LARGE1: variants seen among roughly 807,000 people sequenced by gnomAD.
LARGE1 encodes the protein xylosyl- and glucuronyltransferase LARGE1.
A neutral mutation model predicts 87.6 loss-of-function variants in LARGE1; 43 were observed. The observed-to-expected ratio is 0.49, with a 90% confidence interval of 0.38 to 0.63. The LOEUF is 0.63. Among genes scored for constraint, LARGE1 ranks in the 30% least tolerant of loss-of-function variants. The pLI, the probability that LARGE1 is intolerant of heterozygous loss-of-function variation, is 0.00. For missense variants in LARGE1, 802 were observed against 1,000.2 expected (o/e 0.80, Z 2.67); for synonymous variants, 434 against 394.6 (o/e 1.10, Z -1.18).
upstream of LARGE1, among the ~76,000 whole-genome samples, chr22:33,921,590 C>G (rs1024317490): frequency 2.0e-5 from 3 of 152,182 alleles, no homozygotes; most frequent in African/African-American, 7.2e-5. This position sits in a 1 kb window ranked among gnomAD's most constrained non-coding sequence, Gnocchi z 4.1. Flanking sequence ...CGGCATCTTT[C>G]TGGGATCGGT....
chr22:33,655,120 A>C (rs1340758642), intron 2 of LARGE1, among the ~76,000 whole-genome samples: 1 of 152,138 alleles, frequency 6.6e-6, no homozygotes, highest in African/African-American at 2.4e-5. Context: ...TGTCAACTCA[A>C]CTGGGCCAGG....
At chr22:33,842,610 G>GA (rs2063312375) in intron 1 of LARGE1, among the ~76,000 whole-genome samples, 1 of 152,054 alleles carries the variant, frequency 6.6e-6, no homozygotes, top group East Asian at 1.9e-4. Flanking sequence ...CAGGTGTCAC[G>GA]AAACACCAGG....
At chr22:33,133,622 T>C in the LARGE1 span, among the ~76,000 whole-genome samples, 3 of 152,234 alleles carry the variant, frequency 2.0e-5, no homozygotes, top group African/African-American at 4.8e-5. Flanking sequence ...CTGTTGTGAA[T>C]AGTACCGCAA....
the LARGE1 span, among the ~76,000 whole-genome samples, chr22:33,130,134 G>A: frequency 6.6e-6 from 1 of 151,512 alleles, no homozygotes. Flanking sequence ...CTAACACGGT[G>A]AAACCCCGTC....
At chr22:33,872,519 G>T (rs1373218972) in intron 1 of LARGE1, among the ~76,000 whole-genome samples, 1 of 151,564 alleles carries the variant, frequency 6.6e-6, no homozygotes, top group African/African-American at 2.4e-5. Context: ...CACCAACACC[G>T]CCACCCCCCC....
At chr22:33,826,796 C>A (rs1199093713) in intron 1 of LARGE1, among the ~76,000 whole-genome samples, 2 of 151,976 alleles carry the variant, frequency 1.3e-5, no homozygotes, top group East Asian at 1.9e-4. Flanking sequence ...GGAATTGGAG[C>A]CTGTTATCAT....
chr22:33,909,632 G>A (rs2065567998), intron 1 of LARGE1, among the ~76,000 whole-genome samples: 1 of 151,842 alleles, frequency 6.6e-6, no homozygotes, highest in Admixed American at 6.6e-5. Context: ...TCTGACTTCC[G>A]GGTTCACGCC....
chr22:33,189,192 G>T (rs1490718530), intron 11 of LARGE1, among the ~76,000 whole-genome samples: 1 of 152,132 alleles, frequency 6.6e-6, no homozygotes, highest in Non-Finnish European at 1.5e-5. Flanking sequence ...CCGTTGGTGT[G>T]CCTCACAGGA....
chr22:33,535,527 G>A (rs900480310), intron 6 of LARGE1, among the ~76,000 whole-genome samples: 7 of 149,372 alleles, frequency 4.7e-5, no homozygotes, highest in Non-Finnish European at 7.4e-5. Context: ...TGGGTGATGA[G>A]AGTAAAACTC....
intron 1 of LARGE1, among the ~76,000 whole-genome samples, chr22:33,782,884 TAA>T (rs397952057): frequency 8.0e-6 from 1 of 125,490 alleles, no homozygotes; most frequent in Non-Finnish European, 1.6e-5. Flanking sequence ...AAATCAAGTT[TAA>T]AAAAAAAAAA....
intron 6 of LARGE1, among the ~76,000 whole-genome samples, chr22:33,456,097 T>C (rs776223153): frequency 6.6e-6 from 1 of 152,206 alleles, no homozygotes; most frequent in Non-Finnish European, 1.5e-5. Context: ...CAGGTAAACG[T>C]TGGAAACAAG....
chr22:33,539,720 A>G (rs1033728867), intron 6 of LARGE1, among the ~76,000 whole-genome samples: 16 of 147,262 alleles, frequency 1.1e-4, no homozygotes, highest in African/African-American at 2.5e-5. Context: ...CCTACCAAGT[A>G]GCTGGGACCA....
chr22:33,285,220 C>A (rs183884335), intron 12 of LARGE1, among the ~76,000 whole-genome samples: 45 of 152,260 alleles, frequency 3.0e-4, no homozygotes, highest in Admixed American at 2.5e-3. Flanking sequence ...GTCATCATGG[C>A]TGTCTGTTTC....
intron 11 of LARGE1, among the ~76,000 whole-genome samples, chr22:33,306,970 T>C (rs1340680644): frequency 6.6e-6 from 1 of 152,228 alleles, no homozygotes; most frequent in Non-Finnish European, 1.5e-5. Flanking sequence ...GATGTTGTTC[T>C]GTGGAACCTC....
intron 5 of LARGE1, among the ~76,000 whole-genome samples, chr22:33,586,942 T>C (rs574784713): frequency 6.6e-6 from 1 of 152,340 alleles, no homozygotes; most frequent in South Asian, 2.1e-4. Context: ...AGAGGTAACA[T>C]ATTAAACACT....
At chr22:33,540,137 T>C (rs1038480065) in intron 6 of LARGE1, among the ~76,000 whole-genome samples, 16 of 152,174 alleles carry the variant, frequency 1.1e-4, no homozygotes, top group Non-Finnish European at 1.9e-4. Context: ...CTATGAATAT[T>C]TGCAGAGAAG....
chr22:33,800,223 T>G (rs1450177933), intron 1 of LARGE1, among the ~76,000 whole-genome samples: 1 of 152,102 alleles, frequency 6.6e-6, no homozygotes, highest in East Asian at 1.9e-4. Flanking sequence ...TTTACAGTTA[T>G]TTTCATTTTG....
At chr22:33,105,770 G>A in the LARGE1 span, 1 of 152,236 alleles carries the variant, frequency 6.6e-6, no homozygotes, top group Non-Finnish European at 1.5e-5. Context: ...AGCCAGGCTG[G>A]GAGCAGGCTC....
chr22:33,142,923 G>GGAGA, the LARGE1 span, among the ~76,000 whole-genome samples: 1 of 152,056 alleles, frequency 6.6e-6, no homozygotes, highest in Non-Finnish European at 1.5e-5. Context: ...GGAGAGCAAG[G>GGAGA]GAGAGAGAGA....
Sources: allele counts gnomAD v4.1 joint callset (sites outside exome capture counted in the v4.1 genomes callset), GRCh38; gene constraint gnomAD v4.1.1; non-coding constraint Gnocchi (gnomAD v3.1); transcripts MANE v1.5; gene names NCBI Gene and HGNC (gene_info 2026-07-23, HGNC 2026-07-21).